The following SH3TC1 variants were observed in gnomAD, a reference collection of about 807,000 sequenced individuals.
SH3TC1 encodes the protein SH3 domain and tetratricopeptide repeats 1, also known as SH3 domain and tetratricopeptide repeat-containing protein 1.
SH3TC1 carries 135 observed loss-of-function variants against 117.3 expected under a neutral mutation model. The ratio of observed to expected loss-of-function variants is 1.15; its 90% CI spans 1.00 to 1.33. The LOEUF is 1.33. Ranked by LOEUF, SH3TC1 falls within the 40% of genes most tolerant of loss-of-function variation. SH3TC1 has a pLI of 0.00. For synonymous variants in SH3TC1, 898 were observed against 816.9 expected (o/e 1.10, Z -1.69); for missense variants, 2,092 against 1,794.3 (o/e 1.17, Z -3.00).
chr4:8,235,681 C>T (rs1472688966), intron 15 of SH3TC1, 126 bp downstream of exon 15: 1 of 1,319,576 alleles, frequency 7.6e-7, no homozygotes, highest in Non-Finnish European at 1.0e-6. Flanking sequence ...TGCTTAGTTT[C>T]CTAGTGGTTT....
chr4:8,189,675 G>T (rs1717353750), intron 1 of SH3TC1, among the ~76,000 whole-genome samples: 1 of 152,216 alleles, frequency 6.6e-6, no homozygotes, highest in Non-Finnish European at 1.5e-5. Context: ...CCGGCGGGGG[G>T]CAGTAGGTGT....
chr4:8,191,427 C>A (rs1355987768), intron 1 of SH3TC1, among the ~76,000 whole-genome samples: 1 of 152,222 alleles, frequency 6.6e-6, no homozygotes, highest in Non-Finnish European at 1.5e-5. Context: ...ATCTGGAAAG[C>A]CTATGAGCCC....
chr4:8,224,760 T>G (rs539982388), intron 10 of SH3TC1: 23 of 187,768 alleles, frequency 1.2e-4, no homozygotes, highest in Admixed American at 9.0e-4. Context: ...AGCTGCTGCC[T>G]GTTCAATGCG....
intron 1 of SH3TC1, among the ~76,000 whole-genome samples, chr4:8,184,702 G>A (rs1166994074): frequency 6.6e-6 from 1 of 152,178 alleles, no homozygotes; most frequent in African/African-American, 2.4e-5. Flanking sequence ...ATCAGCCAGA[G>A]TGGAATGCAT....
intron 1 of SH3TC1, among the ~76,000 whole-genome samples, chr4:8,187,560 T>A (rs886540885): frequency 1.3e-5 from 2 of 151,624 alleles, no homozygotes; most frequent in Non-Finnish European, 2.9e-5. Flanking sequence ...TTTTCTTTTT[T>A]TTTTTTTTTG....
chr4:8,197,490 G>T (rs978520245), upstream of SH3TC1, among the ~76,000 whole-genome samples: 2 of 152,230 alleles, frequency 1.3e-5, no homozygotes, highest in African/African-American at 4.8e-5. Flanking sequence ...AGAAGAGCTG[G>T]TCTGGGAGCT....
At position 8,217,303 on chromosome 4, in the gene SH3TC1, G is replaced by A. The variant is rs577494702; in HGVS notation, c.839+136G>A. On this transcript the variant is annotated intron_variant, in intron 7 of 17. Coordinates refer to ENST00000245105, the MANE Select transcript of SH3TC1 (RefSeq NM_018986.5). ...GACCTGGCCATGGCCTTGTTCTGCT[G>A]CTTCCCAGCTGTGTGGCCTCGGCAA... The A allele has an allele frequency of 7.6e-5, 84 of 1,110,066 alleles. No individual in the cohort carries two copies. In the African/African-American group the frequency reaches 9.7e-4, roughly 13 times the overall value. 68.8% of individuals were successfully genotyped at this position (1,110,066 alleles called of 1,614,324 possible). A position where few individuals can be genotyped will look rare whatever the true frequency, so the allele number is the denominator to read the frequency against.
chr4:8,235,917 C>T, intron 15 of SH3TC1: 1 of 356,470 alleles, frequency 2.8e-6, no homozygotes, highest in Non-Finnish European at 5.1e-6. Flanking sequence ...GGTCTGCATG[C>T]ACCCCGAAGC....
At position 8,240,989 on chromosome 4, in the gene SH3TC1, G is replaced by C. The variant is rs557630514; in HGVS notation, c.*34G>C. On this transcript the variant is annotated 3_prime_UTR_variant, in exon 18 of 18. Coordinates refer to ENST00000245105, the MANE Select transcript of SH3TC1 (RefSeq NM_018986.5). ...TCCAAGGGAGTGGGTTTTGTGCAAG[G>C]GCTGGGGGTCTCCTGCCTCTCCTGG... is the stretch of plus-strand genomic sequence containing the variant. 1.3e-6 allele frequency: 2 copies of C among 1,592,826 alleles called. No individual in the cohort carries two copies. The highest frequency in any genetic ancestry group is 1.7e-5 in the Admixed American group (1 of 59,764).
intron 14 of SH3TC1, among the ~76,000 whole-genome samples, chr4:8,233,822 G>A (rs1229991353): frequency 8.3e-5 from 10 of 120,872 alleles, no homozygotes; most frequent in Admixed American, 5.4e-4. Context: ...TCCATCATCC[G>A]TCCATCCATC....
intron 1 of SH3TC1, among the ~76,000 whole-genome samples, chr4:8,189,467 G>T (rs1255166369): frequency 6.6e-6 from 1 of 152,256 alleles, no homozygotes; most frequent in Non-Finnish European, 1.5e-5. Context: ...AGGAGAAGGG[G>T]TGCCAGGAAG....
chr4:8,222,839 G>C lies in SH3TC1; in HGVS notation c.1113-1G>C. 6.2e-7 allele frequency: 1 copy of C among 1,609,820 alleles called. No individual in the cohort carries two copies. The highest frequency in any genetic ancestry group is 1.3e-5 in the African/African-American group (1 of 74,998). ...TGAATAAAGCACTTTATTTTTTCCAGGTTGGAAAGTGCGATTTTTCTCAAT... is the reference window on the plus strand; with the variant it reads ...TGAATAAAGCACTTTATTTTTTCCACGTTGGAAAGTGCGATTTTTCTCAAT... On this transcript the variant is annotated splice_acceptor_variant, in intron 9 of 17. Coordinates refer to ENST00000245105, the MANE Select transcript of SH3TC1 (RefSeq NM_018986.5). LOFTEE classifies it high-confidence loss of function.
At position 8,209,291 on chromosome 4, in the gene SH3TC1, G is replaced by A. The variant is rs149296925; in HGVS notation, c.173-457G>A. Among the ~76,000 whole-genome samples the A allele has an allele frequency of 1.1e-3, 173 of 152,352 alleles. 1 individual carries two copies. The highest frequency in any genetic ancestry group is 3.9e-3 in the African/African-American group (163 of 41,580). On this transcript the variant is annotated intron_variant, in intron 2 of 17. Coordinates refer to ENST00000245105, the MANE Select transcript of SH3TC1 (RefSeq NM_018986.5). This position sits in a 1 kb window ranked among gnomAD's most constrained non-coding sequence, Gnocchi z 5.9. ...AGTGGGCCCTCCATGGAATCACAGG[G>A]CTTTTGTAGGAGGAAGGCAGGAGGG...
At chr4:8,229,709 G>C (rs903833359) in intron 12 of SH3TC1, among the ~76,000 whole-genome samples, 9 of 151,794 alleles carry the variant, frequency 5.9e-5, no homozygotes, top group East Asian at 5.8e-4. Context: ...AAGGAGGAGT[G>C]GGGGGGTTCA....
chr4:8,207,656 A>G (rs1281132), intron 2 of SH3TC1, among the ~76,000 whole-genome samples: 124,916 of 152,182 alleles, frequency 0.82, 51,776 homozygotes, highest in Non-Finnish European at 0.89. Flanking sequence ...CTTTAATTGC[A>G]TCTCCATACT....
chr4:8,238,766 G>A (rs997386528), intron 17 of SH3TC1, among the ~76,000 whole-genome samples: 3 of 152,202 alleles, frequency 2.0e-5, no homozygotes, highest in African/African-American at 7.2e-5. Context: ...TTCCAGAGGG[G>A]ACTTTATCTC....
At chr4:8,194,870 G>A (rs1717512492), upstream of SH3TC1, among the ~76,000 whole-genome samples, 1 of 152,170 alleles carries the variant, frequency 6.6e-6, no homozygotes, top group Non-Finnish European at 1.5e-5. Context: ...GGCAATTGAG[G>A]GCACCACTGC....
chr4:8,230,431 C>T (rs965593218), intron 12 of SH3TC1, among the ~76,000 whole-genome samples: 6 of 151,916 alleles, frequency 3.9e-5, no homozygotes, highest in Middle Eastern at 6.8e-3. Flanking sequence ...CCATGGTGCT[C>T]GGTCTCTGAT....
rs1717125069 is a variant in SH3TC1 at position 8,183,204 on chromosome 4, G to A, written c.-57+994G>A. On this transcript the variant is annotated intron_variant, in intron 1 of 16. Coordinates refer to the SH3TC1 transcript ENST00000508641. The surrounding 1 kb of genome is among the most constrained non-coding windows in gnomAD (Gnocchi z 5.4). ...CTCTGTGGCAGCAGCAGCCCCAGGC[G>A]AGTTCTGTTCACTACGAAGGAGCCC... Among the ~76,000 whole-genome samples the A allele has an allele frequency of 2.0e-5, 3 of 152,186 alleles. No individual in the cohort carries two copies. Among genetic ancestry groups the A allele is most frequent in the African/African-American group, 4.8e-5 (2 of 41,450 alleles).
Sources: gnomAD v4.1 joint callset for allele counts (sites outside exome capture counted in the v4.1 genomes callset) on GRCh38, gnomAD v4.1.1 for gene constraint, Gnocchi (gnomAD v3.1) non-coding constraint, MANE v1.5 for transcripts, NCBI Gene and HGNC (gene_info 2026-07-23, HGNC 2026-07-21) for gene names.